The following NEBL variants were observed in gnomAD, a reference collection of about 807,000 sequenced individuals.
The protein encoded by NEBL is nebulette.
NEBL carries 122 observed loss-of-function variants against 140.2 expected under a neutral mutation model. The ratio of observed to expected loss-of-function variants is 0.87; its 90% CI spans 0.75 to 1.01. The LOEUF (loss-of-function observed/expected upper bound fraction) is 1.01, where lower values mean the gene tolerates loss of function less well. Ranked by LOEUF, NEBL falls within the 50% of genes least tolerant of loss-of-function variation. The probability of loss-of-function intolerance (pLI) is 0.00; values close to 1 mark genes in which losing one functional copy is unlikely to be tolerated. For missense variants in NEBL, 1,365 were observed against 1,231.3 expected (o/e 1.11, Z -1.62); for synonymous variants, 436 against 398.9 (o/e 1.09, Z -1.11).
intron 3 of NEBL, among the ~76,000 whole-genome samples, chr10:20,963,466 T>A (rs920391985): frequency 2.0e-5 from 3 of 152,146 alleles, no homozygotes; most frequent in Admixed American, 2.0e-4. Context: ...CACATATTAT[T>A]TTTGTTACTC....
intron 2 of NEBL, among the ~76,000 whole-genome samples, chr10:21,109,062 T>A (rs1336757464): frequency 1.3e-5 from 2 of 152,148 alleles, no homozygotes; most frequent in Non-Finnish European, 2.9e-5. Context: ...AGAGAGGGCA[T>A]CCTTGTCTTG....
Position 20,880,897 on chromosome 10 carries a change from T to A in NEBL, c.377A>T (p.Tyr126Phe), listed in dbSNP as rs1266450514. The A allele has an allele frequency of 6.2e-7, 1 of 1,613,694 alleles. No individual in the cohort carries two copies. The highest frequency in any genetic ancestry group is 2.2e-5 in the East Asian group (1 of 44,856). Residue 126 changes from tyrosine (Y) to phenylalanine (F), a missense_variant, in exon 5 of 28, where the codon TAC becomes TTC. Tyr to Phe is a conservative substitution (Grantham distance 22). Coordinates refer to ENST00000377122, the MANE Select transcript of NEBL (RefSeq NM_006393.3). ...TTTGGCAGCATCATGTTTCTGCTTG[T>A]AGGCCACCTGAAAAACACAAATAAT... ...EVTQLQSEVA[Y>F]KQKHDAAKGF...
chr10:20,830,553 C>T (rs1290568666), intron 16 of NEBL, among the ~76,000 whole-genome samples: 1 of 152,036 alleles, frequency 6.6e-6, no homozygotes, highest in Non-Finnish European at 1.5e-5. Flanking sequence ...CTCACTGTTC[C>T]CTTAATTTTT....
At chr10:21,146,523 A>T in intron 2 of NEBL, 1 of 1,599,114 alleles carries the variant, frequency 6.3e-7, no homozygotes, top group Non-Finnish European at 8.5e-7. Flanking sequence ...CTCCTGCATT[A>T]TCAGAAAATG....
At chr10:21,168,906 G>A (rs931309078) in intron 2 of NEBL, among the ~76,000 whole-genome samples, 34 of 150,532 alleles carry the variant, frequency 2.3e-4, no homozygotes, top group Admixed American at 2.7e-4. Flanking sequence ...AAAATTAGCC[G>A]GGCTTGGTGG....
At chr10:20,787,382 G>A (rs1835513411) in intron 26 of NEBL, 74 bp from the exon 27 acceptor site, 1 of 1,142,232 alleles carries the variant, frequency 8.8e-7, no homozygotes, top group Non-Finnish European at 1.3e-6. Context: ...AACCCTCAGA[G>A]TGATGTTATG....
intron 3 of NEBL, among the ~76,000 whole-genome samples, chr10:21,217,673 G>A (rs1176106693): frequency 6.6e-6 from 1 of 152,106 alleles, no homozygotes; most frequent in Non-Finnish European, 1.5e-5. Flanking sequence ...ACCTGCAAAT[G>A]GGTTTAACAA....
At chr10:20,908,198 C>T (rs886436733) in intron 4 of NEBL, among the ~76,000 whole-genome samples, 9 of 152,156 alleles carry the variant, frequency 5.9e-5, no homozygotes, top group African/African-American at 1.9e-4. Context: ...GATAACTTGC[C>T]CAAGTTCTCA....
chr10:21,218,655 G>T (rs1422834998), intron 3 of NEBL, among the ~76,000 whole-genome samples: 5 of 152,082 alleles, frequency 3.3e-5, no homozygotes, highest in African/African-American at 7.2e-5. Context: ...ACTGATAAAA[G>T]ACAGATTAAA....
At chr10:21,092,022 C>G (rs1476036562) in intron 2 of NEBL, among the ~76,000 whole-genome samples, 1 of 152,166 alleles carries the variant, frequency 6.6e-6, no homozygotes, top group African/African-American at 2.4e-5. Context: ...TCTTTTTCTT[C>G]TATTTGTTAA....
At chr10:21,206,257 G>A (rs1351975502) in intron 3 of NEBL, among the ~76,000 whole-genome samples, 3 of 152,162 alleles carry the variant, frequency 2.0e-5, no homozygotes, top group Non-Finnish European at 2.9e-5. Context: ...AAGGAGCTCT[G>A]GCAGAAGAAT....
At chr10:21,121,639 G>A (rs1226082801) in intron 2 of NEBL, among the ~76,000 whole-genome samples, 1 of 152,150 alleles carries the variant, frequency 6.6e-6, no homozygotes. Context: ...GTCGTAGAGA[G>A]CAAATCCAAT....
rs561557277 is a variant in NEBL, at chr10:21,094,196, G to T, written c.165-73995C>A. On this transcript the variant is annotated intron_variant, in intron 2 of 6. Transcript: ENST00000417816. ...ACATGGCAAAACCCCATCTCTACTA[G>T]AAATATAAAAATTAGCCAGGTGTAG... Among the ~76,000 whole-genome samples the T allele has an allele frequency of 2.3e-3, 353 of 152,130 alleles. 3 individuals carry two copies. Among genetic ancestry groups the T allele is most frequent in the African/African-American group, 8.1e-3 (338 of 41,510 alleles).
upstream of NEBL, among the ~76,000 whole-genome samples, chr10:20,900,914 G>A (rs1436863828): frequency 1.3e-5 from 2 of 149,826 alleles, no homozygotes; most frequent in African/African-American, 4.9e-5. Flanking sequence ...AGCTACTCAG[G>A]AGGCCGAGGC....
chr10:21,062,063 AGTG>A (rs1450144902), intron 2 of NEBL, among the ~76,000 whole-genome samples: 4 of 152,234 alleles, frequency 2.6e-5, no homozygotes, highest in Non-Finnish European at 4.4e-5. Context: ...CTAAGCAGTC[AGTG>A]GTGAAGATTC....
At chr10:20,985,009 T>A (rs1837201457) in intron 3 of NEBL, among the ~76,000 whole-genome samples, 1 of 152,216 alleles carries the variant, frequency 6.6e-6, no homozygotes, top group Non-Finnish European at 1.5e-5. Context: ...CTGTCTCCTA[T>A]CATCCCCAGA....
intron 2 of NEBL, among the ~76,000 whole-genome samples, chr10:21,100,983 A>G (rs1367221730): frequency 6.6e-6 from 1 of 152,186 alleles, no homozygotes; most frequent in Admixed American, 6.5e-5. Context: ...TTTCACGGGA[A>G]CATTTTGTGG....
chr10:21,139,733 A>C (rs1045681968), intron 2 of NEBL, among the ~76,000 whole-genome samples: 1 of 152,182 alleles, frequency 6.6e-6, no homozygotes, highest in Non-Finnish European at 1.5e-5. Context: ...CACAGTGCAC[A>C]TTTGTCTTGG....
chr10:21,061,389 T>C, intron 2 of NEBL, among the ~76,000 whole-genome samples: 1 of 148,610 alleles, frequency 6.7e-6, no homozygotes, highest in African/African-American at 2.4e-5. Flanking sequence ...ATATCATATA[T>C]CATATATTAC....
Sources: gnomAD v4.1 joint callset for allele counts (sites outside exome capture counted in the v4.1 genomes callset) on GRCh38, gnomAD v4.1.1 for gene constraint, MANE v1.5 for transcripts, NCBI Gene and HGNC (gene_info 2026-07-23, HGNC 2026-07-21) for gene names.